Variants in LRRC37A2 observed in about 807,000 individuals in gnomAD.
The protein encoded by LRRC37A2 is leucine-rich repeat-containing protein 37A2.
A neutral mutation model predicts 68.8 loss-of-function variants in LRRC37A2; 9 were observed. That is an observed-to-expected ratio of 0.13 (90% CI 0.08 to 0.23). The LOEUF is 0.23. Among genes scored for constraint, LRRC37A2 ranks in the 10% least tolerant of loss-of-function variants. The probability of loss-of-function intolerance (pLI) is 1.00; values close to 1 mark genes in which losing one functional copy is unlikely to be tolerated. For missense variants in LRRC37A2, 168 were observed against 950.4 expected, an observed-to-expected ratio of 0.18 and a Z score of 10.82; for synonymous variants, 63 against 367.6, an observed-to-expected ratio of 0.17 and a Z score of 9.48.
the LRRC37A2 span, among the ~76,000 whole-genome samples, chr17:46,769,356 A>G: frequency 2.0e-5 from 3 of 152,016 alleles, no homozygotes; most frequent in African/African-American, 4.8e-5. Context: ...AAAAAGAAAT[A>G]GGAGTTATCT....
the LRRC37A2 span, among the ~76,000 whole-genome samples, chr17:46,811,449 G>A: frequency 1.3e-3 from 194 of 152,290 alleles, no homozygotes; most frequent in African/African-American, 3.6e-3. Context: ...CAGAACCGTT[G>A]TGCACCTGGG....
At chr17:47,007,729 G>A in the LRRC37A2 span, 5 of 152,170 alleles carry the variant, frequency 3.3e-5, no homozygotes, top group African/African-American at 1.2e-4. Context: ...TGGAAATCCC[G>A]CCACTAAAAA....
the LRRC37A2 span, among the ~76,000 whole-genome samples, chr17:46,790,322 G>A: frequency 6.6e-6 from 1 of 152,130 alleles, no homozygotes; most frequent in South Asian, 2.1e-4. Flanking sequence ...TCAGCAGGGT[G>A]GGCCATTGGT....
the LRRC37A2 span, among the ~76,000 whole-genome samples, chr17:46,588,515 A>G: frequency 1.5e-5 from 1 of 68,866 alleles, no homozygotes; most frequent in African/African-American, 7.7e-5. Context: ...TGTACTTGCA[A>G]TCTAGCTTAT....
chr17:46,933,748 G>A, the LRRC37A2 span: 24 of 151,782 alleles, frequency 1.6e-4, no homozygotes, highest in African/African-American at 5.3e-4. Context: ...CAAGGCAGTG[G>A]ATTGTTCAGG....
At chr17:46,936,273 G>A in the LRRC37A2 span, 3 of 985,186 alleles carry the variant, frequency 3.0e-6, no homozygotes, top group Non-Finnish European at 3.6e-6. Flanking sequence ...AACAGTAGAG[G>A]CCTTTTAGGA....
chr17:46,708,403 A>T, the LRRC37A2 span, among the ~76,000 whole-genome samples: 2 of 151,600 alleles, frequency 1.3e-5, no homozygotes, highest in Non-Finnish European at 2.9e-5. Context: ...ATGAAGTGAC[A>T]TCTCATTCTA....
At chr17:46,755,362 G>A in the LRRC37A2 span, 1 of 1,613,104 alleles carries the variant, frequency 6.2e-7, no homozygotes, top group Non-Finnish European at 8.5e-7. Context: ...CTTAAGAGAA[G>A]AAGGAGCGTA....
the LRRC37A2 span, among the ~76,000 whole-genome samples, chr17:46,784,733 C>A: frequency 6.6e-6 from 1 of 151,796 alleles, no homozygotes; most frequent in African/African-American, 2.4e-5. Context: ...ACAGAGGGAG[C>A]CACTGTGCCC....
At chr17:46,753,975 T>C in the LRRC37A2 span, among the ~76,000 whole-genome samples, 2 of 152,242 alleles carry the variant, frequency 1.3e-5, no homozygotes, top group South Asian at 4.1e-4. Flanking sequence ...CTGCTCTGAC[T>C]GGATGTCACC....
At chr17:46,777,280 T>C in the LRRC37A2 span, among the ~76,000 whole-genome samples, 2 of 152,136 alleles carry the variant, frequency 1.3e-5, no homozygotes, top group African/African-American at 4.8e-5. Flanking sequence ...CACACAGCCA[T>C]ATCCACAGAG....
chr17:46,713,767 A>G, the LRRC37A2 span: 2 of 1,287,100 alleles, frequency 1.6e-6, no homozygotes, highest in Non-Finnish European at 2.2e-6. Context: ...AGACCTCAGT[A>G]TGTTCTGGAT....
the LRRC37A2 span, chr17:46,768,206 G>T: frequency 1.3e-6 from 2 of 1,517,544 alleles, no homozygotes; most frequent in Non-Finnish European, 1.8e-6. This position sits in a 1 kb window ranked among gnomAD's most constrained non-coding sequence, Gnocchi z 5.0. Flanking sequence ...TGTGTGTCTT[G>T]GATAGCTTAG....
At chr17:46,856,860 A>G in the LRRC37A2 span, among the ~76,000 whole-genome samples, 1 of 152,204 alleles carries the variant, frequency 6.6e-6, no homozygotes, top group Non-Finnish European at 1.5e-5. Context: ...GGTGACTCCA[A>G]TGACTACATA....
the LRRC37A2 span, among the ~76,000 whole-genome samples, chr17:46,753,530 C>CAGGT: frequency 1.3e-5 from 2 of 152,064 alleles, no homozygotes; most frequent in Admixed American, 6.5e-5. Flanking sequence ...AGTGCAAATA[C>CAGGT]AGGTGTATTG....
the LRRC37A2 span, chr17:46,704,927 C>T: frequency 6.8e-7 from 1 of 1,480,808 alleles, no homozygotes. Context: ...AAGTAAGTGC[C>T]ATTTACTCAG....
At chr17:46,954,041 T>C in the LRRC37A2 span, among the ~76,000 whole-genome samples, 1 of 152,248 alleles carries the variant, frequency 6.6e-6, no homozygotes, top group Admixed American at 6.5e-5. Flanking sequence ...TTAGTTTGAT[T>C]AGATCCCATT....
chr17:46,860,228 G>C, the LRRC37A2 span, among the ~76,000 whole-genome samples: 1 of 152,184 alleles, frequency 6.6e-6, no homozygotes, highest in Admixed American at 6.5e-5. Flanking sequence ...TGTGGCTGAG[G>C]ACGGGAAGGA....
the LRRC37A2 span, among the ~76,000 whole-genome samples, chr17:47,006,049 G>T: frequency 2.6e-5 from 4 of 152,114 alleles, no homozygotes; most frequent in Non-Finnish European, 4.4e-5. Context: ...GCAGGCGCCT[G>T]TAATCCCAGC....
Sources: allele counts gnomAD v4.1 joint callset (sites outside exome capture counted in the v4.1 genomes callset), GRCh38; gene constraint gnomAD v4.1.1; non-coding constraint Gnocchi (gnomAD v3.1); transcripts MANE v1.5; gene names NCBI Gene and HGNC (gene_info 2026-07-23, HGNC 2026-07-21).